ZFHX3: variants seen among roughly 807,000 people sequenced by gnomAD.
ZFHX3 encodes zinc finger homeobox 3.
ZFHX3 carries 42 observed loss-of-function variants against 279.1 expected under a neutral mutation model. The observed-to-expected ratio is 0.15, with a 90% CI of 0.12 to 0.19. The LOEUF (loss-of-function observed/expected upper bound fraction) is 0.19. ZFHX3 is among the 10% of genes least tolerant of loss of function. ZFHX3 has a pLI of 1.00. For missense variants in ZFHX3, 4,981 were observed against 4,754.0 expected (o/e 1.05, Z -1.40); for synonymous variants, 2,293 against 1,957.8 (o/e 1.17, Z -4.52).
At chr16:73,884,175 A>G (rs1309227229) in intron 1 of ZFHX3, among the ~76,000 whole-genome samples, 2 of 152,134 alleles carry the variant, frequency 1.3e-5, no homozygotes, top group Non-Finnish European at 1.5e-5. Flanking sequence ...TATTTTTCTC[A>G]TTGTGTATCA....
At position 72,784,708 on chromosome 16, in the gene ZFHX3, ACTTG is replaced by A. The variant is rs1398869300; in HGVS notation, c.*2452_*2455del. 1 of 152,574 alleles carries A rather than the reference ACTTG, an allele frequency of 6.6e-6. No individual in the cohort carries two copies. The highest frequency in any genetic ancestry group is 1.5e-5 in the Non-Finnish European group (1 of 68,012). 9.5% of individuals were successfully genotyped at this position (152,574 alleles called of 1,614,324 possible). A position where few individuals can be genotyped will look rare whatever the true frequency, so the allele number is the denominator to read the frequency against. On this transcript the variant is annotated 3_prime_UTR_variant, in exon 10 of 10. Coordinates refer to ENST00000268489, the MANE Select transcript of ZFHX3 (RefSeq NM_006885.4). The stretch of plus-strand genomic sequence containing the variant: ...TGTTAAAACAGTAAATGTTTTGCGT[ACTTG>A]CTTTTGACACCTTATGCTACAACTG...
chr16:73,081,522 G>A (rs2144766087), intron 8 of ZFHX3: 1 of 152,300 alleles, frequency 6.6e-6, no homozygotes, highest in Non-Finnish European at 1.5e-5. Flanking sequence ...ACCTCCCAAA[G>A]TGCTGGGATT....
At chr16:73,758,961 G>C (rs2053837378) in intron 1 of ZFHX3, among the ~76,000 whole-genome samples, 2 of 152,158 alleles carry the variant, frequency 1.3e-5, no homozygotes, top group Admixed American at 6.6e-5. Context: ...CATAGATGTG[G>C]GTGGTGCATG....
At position 73,456,263 on chromosome 16, in the gene ZFHX3, A is replaced by G. The variant is rs1184330382; in HGVS notation, c.-1546-5T>C. The G allele has an allele frequency of 2.6e-5, 4 of 152,182 alleles. No individual in the cohort carries two copies. The East Asian group carries it at 7.7e-4, about 29-fold the overall frequency. The allele number at this position is 152,182 out of a possible 1,614,324, so 9.4% of individuals were successfully genotyped here. The stretch of plus-strand genomic sequence containing the variant: ...TGTTCCTTGTTCTCCAAGTCCCTGG[A>G]AAGAAAAGAAATAGATTTCTCAATT... On this transcript the variant is annotated splice_polypyrimidine_tract_variant and splice_region_variant and intron_variant, in intron 2 of 17. Transcript: ENST00000641206.
At chr16:73,880,976 T>G (rs968927428) in intron 1 of ZFHX3, among the ~76,000 whole-genome samples, 8 of 152,174 alleles carry the variant, frequency 5.3e-5, no homozygotes, top group African/African-American at 1.7e-4. Context: ...GAAATCTTAC[T>G]TTTCCATGTC....
intron 2 of ZFHX3, among the ~76,000 whole-genome samples, chr16:73,660,689 A>G (rs1322372483): frequency 6.6e-6 from 1 of 152,162 alleles, no homozygotes; most frequent in Non-Finnish European, 1.5e-5. Context: ...GTGCTTTTGC[A>G]TTTAAATCTT....
chr16:73,532,647 C>A (rs1336920341), intron 2 of ZFHX3, among the ~76,000 whole-genome samples: 5 of 152,156 alleles, frequency 3.3e-5, no homozygotes, highest in African/African-American at 7.2e-5. Flanking sequence ...AGTCAACTAA[C>A]CTAATCTCTT....
intron 1 of ZFHX3, among the ~76,000 whole-genome samples, chr16:73,792,861 C>A (rs1392078306): frequency 6.8e-6 from 1 of 146,470 alleles, no homozygotes; most frequent in East Asian, 2.1e-4. Context: ...AGTGCACCCC[C>A]CCCCTCCCCT....
At chr16:72,927,691 G>C (rs1959532418) in intron 3 of ZFHX3, among the ~76,000 whole-genome samples, 2 of 151,954 alleles carry the variant, frequency 1.3e-5, no homozygotes, top group African/African-American at 4.8e-5. Flanking sequence ...AGCCGCCCGG[G>C]GGAGCTGCAG....
intron 1 of ZFHX3, among the ~76,000 whole-genome samples, chr16:73,759,729 T>C (rs531983101): frequency 1.3e-5 from 2 of 152,250 alleles, no homozygotes; most frequent in Non-Finnish European, 2.9e-5. Flanking sequence ...GATACTTTGG[T>C]TTCCAGTATT....
chr16:73,002,404 A>T (rs901391438), intron 1 of ZFHX3, among the ~76,000 whole-genome samples: 4 of 152,166 alleles, frequency 2.6e-5, no homozygotes, highest in African/African-American at 9.7e-5. Flanking sequence ...GAGAAGGTAG[A>T]TCAGAGCGTC....
At chr16:73,805,783 G>A (rs62044560) in intron 1 of ZFHX3, among the ~76,000 whole-genome samples, 1,819 of 152,306 alleles carry the variant, frequency 0.012, 18 homozygotes, top group Non-Finnish European at 0.017. Flanking sequence ...AATGCTGGGT[G>A]GCATGTGAAT....
chr16:72,957,358 C>CACCCT (rs1961297918), intron 2 of ZFHX3, 69 bp downstream of exon 2: 2 of 1,517,140 alleles, frequency 1.3e-6, no homozygotes, highest in Non-Finnish European at 1.8e-6. Context: ...AGGACTATCT[C>CACCCT]ACCCTATTCA....
At chr16:73,384,295 G>A (rs2016862808) in intron 3 of ZFHX3, among the ~76,000 whole-genome samples, 1 of 152,166 alleles carries the variant, frequency 6.6e-6, no homozygotes, top group South Asian at 2.1e-4. Flanking sequence ...TAGTTACAAC[G>A]AGATCATATG....
chr16:73,586,083 T>C (rs940218685), intron 2 of ZFHX3, among the ~76,000 whole-genome samples: 2 of 152,082 alleles, frequency 1.3e-5, no homozygotes, highest in Non-Finnish European at 1.5e-5. Context: ...TTGTTTTTAA[T>C]AGACATATTA....
chr16:73,430,249 C>A (rs2017887889), intron 3 of ZFHX3, among the ~76,000 whole-genome samples: 1 of 152,134 alleles, frequency 6.6e-6, no homozygotes, highest in African/African-American at 2.4e-5. Context: ...TTGCCAGGTA[C>A]ACTAGAATGC....
intron 2 of ZFHX3, among the ~76,000 whole-genome samples, chr16:73,606,775 A>G (rs2052188943): frequency 6.6e-6 from 1 of 152,020 alleles, no homozygotes; most frequent in Non-Finnish European, 1.5e-5. Context: ...TTGTTTCCCC[A>G]CATGTGTCCA....
chr16:73,473,292 G>A (rs1364489170), intron 2 of ZFHX3, among the ~76,000 whole-genome samples: 1 of 136,252 alleles, frequency 7.3e-6, no homozygotes, highest in East Asian at 2.2e-4. Flanking sequence ...AGCTATGATT[G>A]TGTCATGGCA....
intron 2 of ZFHX3, among the ~76,000 whole-genome samples, chr16:73,521,235 G>A (rs967464955): frequency 6.6e-6 from 1 of 152,146 alleles, no homozygotes; most frequent in Non-Finnish European, 1.5e-5. Context: ...AAAAGGTTCT[G>A]CCACTTTCTT....
Sources: allele counts gnomAD v4.1 joint callset (sites outside exome capture counted in the v4.1 genomes callset), GRCh38; gene constraint gnomAD v4.1.1; transcripts MANE v1.5; gene names NCBI Gene and HGNC (gene_info 2026-07-23, HGNC 2026-07-21).